Variants in USP6 observed in about 807,000 individuals in gnomAD.
USP6 encodes the protein ubiquitin carboxyl-terminal hydrolase 6.
USP6 carries 128 observed loss-of-function variants against 175.7 expected under a neutral mutation model. The ratio of observed to expected loss-of-function variants is 0.73; its 90% CI spans 0.63 to 0.84. The LOEUF (loss-of-function observed/expected upper bound fraction) is 0.84. Among genes scored for constraint, USP6 ranks in the 40% least tolerant of loss-of-function variants. USP6 has a pLI of 0.00. For missense variants in USP6, 1,498 were observed against 1,760.3 expected (o/e 0.85, Z 2.67); for synonymous variants, 562 against 630.6 (o/e 0.89, Z 1.63).
chr17:5,162,148 C>CTT (rs929386864), intron 32 of USP6, among the ~76,000 whole-genome samples: 1 of 152,018 alleles, frequency 6.6e-6, no homozygotes, highest in African/African-American at 2.4e-5. Context: ...TTCACCTCTC[C>CTT]TTTTTTGTTT....
chr17:5,130,621 C>T lies in USP6; in HGVS notation c.92C>T (p.Pro31Leu). The change falls in exon 11 of 38, where the codon CCA (proline) becomes CTA (leucine). Residue 31 changes from proline (P) to leucine (L), a missense_variant. Pro to Leu is a moderately conservative substitution (Grantham distance 98). Around this residue, in one of 2 missense-constraint regions of USP6, gnomAD observed 281 missense variants for 259.6 expected, o/e 1.08. Coordinates refer to ENST00000574788, the MANE Select transcript of USP6 (RefSeq NM_001304284.2). ...TTACAGGGACACCGAGCTGGGCTGC[C>T]AGAGGACAAGGGGCCTGAGCCCGTT... is the stretch of plus-strand genomic sequence containing the variant. ...KYDKGHRAGL[P>L]EDKGPEPVGI... The T allele has an allele frequency of 6.2e-7, 1 of 1,613,920 alleles. No individual in the cohort carries two copies. Among genetic ancestry groups the T allele is most frequent in the South Asian group, 1.1e-5 (1 of 91,074 alleles).
intron 17 of USP6, among the ~76,000 whole-genome samples, chr17:5,136,214 C>T (rs1238327237): frequency 6.6e-6 from 1 of 152,218 alleles, no homozygotes; most frequent in African/African-American, 2.4e-5. Context: ...GCTGACTCTC[C>T]CCTCCCTGAG....
chr17:5,131,691 G>A (rs1400967037), intron 11 of USP6, among the ~76,000 whole-genome samples: 2 of 150,416 alleles, frequency 1.3e-5, no homozygotes, highest in Non-Finnish European at 3.0e-5. Flanking sequence ...CAGGGCTTGT[G>A]ACTAAAGACC....
At chr17:5,152,050 T>G (rs554839897) in intron 30 of USP6, among the ~76,000 whole-genome samples, 76 of 152,224 alleles carry the variant, frequency 5.0e-4, no homozygotes, top group African/African-American at 1.8e-3. Context: ...AAGACCAGCC[T>G]GGCCAATATG....
rs2073866586 is a variant in USP6 at position 5,155,615 on chromosome 17, A to T, written c.2828+9A>T. 6.2e-7 allele frequency: 1 copy of T among 1,612,702 alleles called. No individual in the cohort carries two copies. The highest frequency in any genetic ancestry group is 8.5e-7 in the Non-Finnish European group (1 of 1,179,490). The stretch of plus-strand genomic sequence containing the variant: ...ATTCATGCCCAGGATCGGTGAGTTC[A>T]GGGGATCCATCTAAACCTGTGGTTT... On this transcript the variant is annotated intron_variant, in intron 31 of 37. Coordinates refer to ENST00000574788, the MANE Select transcript of USP6 (RefSeq NM_001304284.2).
intron 25 of USP6, among the ~76,000 whole-genome samples, chr17:5,143,751 TAA>T (rs530283221): frequency 1.2e-4 from 13 of 111,734 alleles, no homozygotes; most frequent in Non-Finnish European, 1.5e-4. Flanking sequence ...GAATGATCAA[TAA>T]AAAAAAAAAA....
rs1321411648 is a variant in USP6 at position 5,135,230 on chromosome 17, C to T, written c.495-4C>T. ...AACCATAGCCCCCTTTCTGTGTTTC[C>T]TAGGCAGAGGGAACTATTCTACATC... is the stretch of plus-strand genomic sequence containing the variant. On this transcript the variant is annotated splice_polypyrimidine_tract_variant and splice_region_variant and intron_variant, in intron 15 of 37. Coordinates refer to ENST00000574788, the MANE Select transcript of USP6 (RefSeq NM_001304284.2). 1.9e-6 allele frequency: 3 copies of T among 1,612,496 alleles called. No individual in the cohort carries two copies. The highest frequency in any genetic ancestry group is 2.5e-6 in the Non-Finnish European group (3 of 1,178,928).
At position 5,140,781 on chromosome 17, in the gene USP6, C is replaced by T. The variant is rs1222546766; in HGVS notation, c.1499-644C>T. Among the ~76,000 whole-genome samples, 5 of 152,286 alleles carry T rather than the reference C, an allele frequency of 3.3e-5. 1 individual carries two copies. Among genetic ancestry groups the T allele is most frequent in the South Asian group, 4.1e-4 (2 of 4,820 alleles). ...ATGGTCCAGTAAACACACACCTGGG[C>T]TGAATGGTAGAGCTGATTACTCATA... On this transcript the variant is annotated intron_variant, in intron 22 of 37. Coordinates refer to ENST00000574788, the MANE Select transcript of USP6 (RefSeq NM_001304284.2).
intron 26 of USP6, 33 bp downstream of exon 26, chr17:5,144,896 T>C (rs1406949335): frequency 6.4e-6 from 10 of 1,563,730 alleles, no homozygotes; most frequent in Non-Finnish European, 8.7e-6. Context: ...ATGTAAGCAA[T>C]AGACAAAATG....
At position 5,133,479 on chromosome 17, in the gene USP6, A is replaced by C; in HGVS notation, c.313A>C (p.Ile105Leu). 1.2e-6 allele frequency: 2 copies of C among 1,611,784 alleles called. No individual in the cohort carries two copies. Among genetic ancestry groups the C allele is most frequent in the Non-Finnish European group, 1.7e-6 (2 of 1,179,708 alleles). Residue 105 changes from isoleucine (I) to leucine (L), a missense_variant, in exon 14 of 38, where the codon ATC (isoleucine) becomes CTC (leucine). Ile to Leu is a conservative substitution (Grantham distance 5, BLOSUM62 2). This residue lies in a region of USP6 where 281 missense variants were observed against 259.6 expected (regional missense o/e 1.08). Transcript: ENST00000574788. Reference protein sequence around the residue: ...DRVYKGIPMNIRGPVWSVLLN... With the variant: ...DRVYKGIPMNLRGPVWSVLLN... The stretch of plus-strand genomic sequence containing the variant: ...AGTGTACAAGGGAATTCCCATGAAC[A>C]TCCGGGGCCCGGTGTGGTCAGTCCT...
intron 31 of USP6, among the ~76,000 whole-genome samples, chr17:5,156,811 A>C (rs1179598859): frequency 6.6e-6 from 1 of 151,426 alleles, no homozygotes; most frequent in Non-Finnish European, 1.5e-5. Flanking sequence ...GTTCACTGCA[A>C]ACTCCGCCTC....
Position 5,170,667 on chromosome 17 carries a change from A to G in USP6, c.3706A>G (p.Ile1236Val). The change falls in exon 36 of 38, where the codon ATC becomes GTC. Residue 1236 changes from isoleucine (I) to valine (V), a missense_variant. Ile to Val is a conservative substitution (Grantham distance 29, BLOSUM62 3). Transcript: ENST00000574788. ...CAGCAAAGAGAATGGGGCTGGGCAG[A>G]TCTGTGAGCTGGCTGACGCCTTGAG... ...DASKENGAGQ[I>V]CELADALSRG... 1 of 1,613,974 alleles carries G rather than the reference A, an allele frequency of 6.2e-7. No individual in the cohort carries two copies. Among genetic ancestry groups the G allele is most frequent in the Non-Finnish European group, 8.5e-7 (1 of 1,179,870 alleles).
chr17:5,154,917 A>G (rs1300522945), intron 30 of USP6, among the ~76,000 whole-genome samples: 1 of 152,032 alleles, frequency 6.6e-6, no homozygotes, highest in Admixed American at 6.6e-5. Flanking sequence ...TTATTTCTTT[A>G]TAGAGATGGG....
At chr17:5,136,221 T>G (rs938799716) in intron 17 of USP6, among the ~76,000 whole-genome samples, 2 of 152,208 alleles carry the variant, frequency 1.3e-5, no homozygotes, top group Non-Finnish European at 2.9e-5. Context: ...CTCCCCTCCC[T>G]GAGGGTCCTC....
rs766771890 is a variant in USP6 at position 5,139,674 on chromosome 17, G to A, written c.1498G>A (p.Val500Ile). Residue 500 changes from valine to isoleucine, a missense_variant and splice_region_variant, in exon 22 of 38, where the codon GTT (valine) becomes ATT (isoleucine). Transcript: ENST00000574788. ...CTGGCAGGCTGAACACTGCGGAGAG[G>A]GTGAGGTTGGCTTTCACTGCACTGA... ...TCWQAEHCGE[V>I]HNKDMSWPEE... 1.9e-6 allele frequency: 3 copies of A among 1,606,940 alleles called. No individual in the cohort carries two copies. In the Admixed American group the frequency reaches 5.0e-5, roughly 27 times the overall value.
At chr17:5,118,366 C>T (rs1343006698) in intron 2 of USP6, 76 bp downstream of exon 2, 1 of 152,378 alleles carries the variant, frequency 6.6e-6, no homozygotes, top group Non-Finnish European at 1.5e-5. Context: ...AGCCTGTGAC[C>T]AGACCAGGCA....
In USP6 at chr17:5,155,606, G is replaced by T. The variant is rs759660648; in HGVS notation, c.2828G>T (p.Arg943Leu). ...PQEASIHAQD[R>L]DNCMGYQYPF... ...GAAGCTAGTATTCATGCCCAGGATC[G>T]GTGAGTTCAGGGGATCCATCTAAAC... is the stretch of plus-strand genomic sequence containing the variant. The change falls in exon 31 of 38, where the codon CGT becomes CTT. Residue 943 changes from arginine (R) to leucine (L), a missense_variant and splice_region_variant. This residue lies in a region of USP6 where 1,217 missense variants were observed against 1,500.8 expected (regional missense o/e 0.81). Coordinates refer to ENST00000574788, the MANE Select transcript of USP6 (RefSeq NM_001304284.2). 42 of 1,613,634 alleles carry T rather than the reference G, an allele frequency of 2.6e-5. No homozygotes were observed. Among genetic ancestry groups the T allele is most frequent in the Non-Finnish European group, 3.4e-5 (40 of 1,179,768 alleles).
At chr17:5,159,963 C>CA (rs34643191) in intron 31 of USP6, among the ~76,000 whole-genome samples, 8,602 of 108,540 alleles carry the variant, frequency 0.079, 283 homozygotes, top group Admixed American at 0.11. Context: ...TACCCCGTCT[C>CA]AAAAAAAAAA....
intron 23 of USP6, 28 bp downstream of exon 23, chr17:5,141,527 A>G: frequency 6.5e-7 from 1 of 1,537,304 alleles, no homozygotes; most frequent in East Asian, 2.3e-5. Context: ...TTTTTTAAAG[A>G]GATTATTTTA....
Sources: allele counts gnomAD v4.1 joint callset (sites outside exome capture counted in the v4.1 genomes callset), GRCh38; gene constraint gnomAD v4.1.1; regional missense constraint gnomAD v4.1.1; transcripts MANE v1.5; gene names NCBI Gene and HGNC (gene_info 2026-07-23, HGNC 2026-07-21).